The following ATG10 variants were observed in gnomAD, a reference collection of about 807,000 sequenced individuals.
ATG10 encodes the protein ubiquitin-like-conjugating enzyme ATG10.
A neutral mutation model predicts 32.1 loss-of-function variants in ATG10; 30 were observed. The observed-to-expected ratio is 0.94, with a 90% confidence interval of 0.70 to 1.27. ATG10 has a LOEUF of 1.27. ATG10 is among the 50% of genes most tolerant of loss of function. The pLI is 0.00. For synonymous variants in ATG10, 87 were observed against 91.5 expected (o/e 0.95, Z 0.28); for missense variants, 233 against 262.3 (o/e 0.89, Z 0.77).
rs1001817777 is a variant in ATG10, at chr5:82,256,071, C to A, written c.*2008C>A. 1 of 152,154 alleles carries A rather than the reference C, an allele frequency of 6.6e-6. No homozygotes were observed. Among genetic ancestry groups the A allele is most frequent in the African/African-American group, 2.4e-5 (1 of 41,434 alleles). 9.4% of individuals were successfully genotyped at this position (152,154 alleles called of 1,614,324 possible). ...ATCTCCCTAATGTAAACACAGATTTCTCAGCAAGTCATTTCTCAAGCCATG... is the reference window on the plus strand; with the variant it reads ...ATCTCCCTAATGTAAACACAGATTTATCAGCAAGTCATTTCTCAAGCCATG... On this transcript the variant is annotated 3_prime_UTR_variant, in exon 8 of 8. Coordinates refer to ENST00000282185, the MANE Select transcript of ATG10 (RefSeq NM_031482.5).
chr5:82,014,878 A>G (rs1400957832), intron 2 of ATG10, among the ~76,000 whole-genome samples: 3 of 152,184 alleles, frequency 2.0e-5, no homozygotes, highest in Non-Finnish European at 1.5e-5. Context: ...TTATGATGTT[A>G]GCTGGTGATT....
At chr5:82,144,947 G>A (rs1160481651) in intron 3 of ATG10, among the ~76,000 whole-genome samples, 3 of 151,808 alleles carry the variant, frequency 2.0e-5, no homozygotes, top group Non-Finnish European at 4.4e-5. Context: ...GTCAATTTTT[G>A]CTTCATATAA....
intron 3 of ATG10, among the ~76,000 whole-genome samples, chr5:82,141,755 C>T (rs972426982): frequency 6.6e-6 from 1 of 151,418 alleles, no homozygotes; most frequent in Admixed American, 6.6e-5. Flanking sequence ...AAGGCTCATT[C>T]TTACTTATTT....
intron 5 of ATG10, among the ~76,000 whole-genome samples, chr5:82,181,668 A>T (rs1293846690): frequency 1.3e-5 from 2 of 152,120 alleles, no homozygotes; most frequent in African/African-American, 4.8e-5. Context: ...ACTGAACATG[A>T]TAATAATATG....
intron 5 of ATG10, among the ~76,000 whole-genome samples, chr5:82,188,824 A>G (rs554227743): frequency 2.6e-5 from 4 of 152,150 alleles, no homozygotes; most frequent in Non-Finnish European, 5.9e-5. Context: ...TTTTTGTACA[A>G]TAGTTGCTGT....
chr5:81,986,014 C>T (rs1020292155), intron 1 of ATG10, among the ~76,000 whole-genome samples: 7 of 152,132 alleles, frequency 4.6e-5, no homozygotes, highest in South Asian at 2.1e-4. Context: ...CCGCCTGCCT[C>T]GGCCTCCCCA....
At chr5:82,187,642 G>A (rs1178060840) in intron 5 of ATG10, among the ~76,000 whole-genome samples, 2 of 151,232 alleles carry the variant, frequency 1.3e-5, no homozygotes, top group African/African-American at 2.4e-5. Context: ...GCAGTGGCGC[G>A]ATCTCTGACC....
At chr5:81,985,342 C>T (rs1280766340) in intron 1 of ATG10, among the ~76,000 whole-genome samples, 1 of 152,202 alleles carries the variant, frequency 6.6e-6, no homozygotes, top group Admixed American at 6.5e-5. Context: ...TCTTCTCTTG[C>T]TAGTCTAGTT....
intron 2 of ATG10, among the ~76,000 whole-genome samples, chr5:82,048,676 T>A (rs1172965794): frequency 6.6e-6 from 1 of 151,914 alleles, no homozygotes; most frequent in African/African-American, 2.4e-5. Flanking sequence ...ATCCAGAATC[T>A]ACAATGGACT....
chr5:82,105,575 G>C (rs1488058642), intron 3 of ATG10, among the ~76,000 whole-genome samples: 1 of 152,106 alleles, frequency 6.6e-6, no homozygotes, highest in Non-Finnish European at 1.5e-5. Flanking sequence ...CTAATGATTT[G>C]ACAGCTCTGC....
At chr5:82,072,269 C>T (rs909890498) in intron 3 of ATG10, among the ~76,000 whole-genome samples, 1 of 152,092 alleles carries the variant, frequency 6.6e-6, no homozygotes, top group Non-Finnish European at 1.5e-5. Flanking sequence ...CTCTTGCTTG[C>T]TAGAGGTTAT....
At chr5:82,073,955 T>G (rs1764200720) in intron 3 of ATG10, among the ~76,000 whole-genome samples, 1 of 152,182 alleles carries the variant, frequency 6.6e-6, no homozygotes, top group Non-Finnish European at 1.5e-5. Context: ...GTGACAAAAC[T>G]AGAAAACAAA....
At chr5:82,161,694 TAA>T (rs888561292) in intron 3 of ATG10, among the ~76,000 whole-genome samples, 2 of 22,750 alleles carry the variant, frequency 8.8e-5, no homozygotes, top group African/African-American at 6.9e-4. Context: ...GATTAGAGAA[TAA>T]ACACACACAC....
intron 1 of ATG10, among the ~76,000 whole-genome samples, chr5:81,984,209 G>C (rs965144492): frequency 2.0e-5 from 3 of 152,254 alleles, no homozygotes; most frequent in Non-Finnish European, 2.9e-5. Flanking sequence ...CGGATCACTC[G>C]CGGTTAGGAG....
At chr5:82,079,765 C>T (rs1164626410) in intron 3 of ATG10, among the ~76,000 whole-genome samples, 2 of 152,118 alleles carry the variant, frequency 1.3e-5, no homozygotes, top group South Asian at 2.1e-4. Context: ...CAGTCTATCA[C>T]TGATAGACAT....
At chr5:82,240,955 AC>A (rs1164783973) in intron 5 of ATG10, among the ~76,000 whole-genome samples, 1 of 152,240 alleles carries the variant, frequency 6.6e-6, no homozygotes, top group East Asian at 1.9e-4. Flanking sequence ...AACTTTCATG[AC>A]AGCAGAGGTT....
intron 4 of ATG10, among the ~76,000 whole-genome samples, chr5:82,177,581 T>G (rs142320677): frequency 9.2e-5 from 14 of 152,282 alleles, no homozygotes; most frequent in Non-Finnish European, 1.9e-4. Flanking sequence ...TTAAGACACC[T>G]TCTTTCCAGT....
intron 2 of ATG10, among the ~76,000 whole-genome samples, chr5:82,035,253 A>T (rs1762881066): frequency 6.6e-6 from 1 of 152,176 alleles, no homozygotes; most frequent in African/African-American, 2.4e-5. Context: ...CTTGTTCTAC[A>T]TATTTAGTTG....
At chr5:82,233,825 A>T (rs1042377496) in intron 5 of ATG10, among the ~76,000 whole-genome samples, 2 of 152,220 alleles carry the variant, frequency 1.3e-5, no homozygotes, top group African/African-American at 4.8e-5. Flanking sequence ...TGCAAATTAA[A>T]TTGACAAAAA....
Sources: gnomAD v4.1 joint callset for allele counts (sites outside exome capture counted in the v4.1 genomes callset) on GRCh38, gnomAD v4.1.1 for gene constraint, MANE v1.5 for transcripts, NCBI Gene and HGNC (gene_info 2026-07-23, HGNC 2026-07-21) for gene names.